The following WWOX variants were observed in gnomAD, a reference collection of about 807,000 sequenced individuals.
WWOX encodes the protein WW domain-containing oxidoreductase.
In WWOX, 69 loss-of-function variants were observed where a neutral mutation model predicts 46.2. The ratio of observed to expected loss-of-function variants is 1.49; its 90% CI spans 1.23 to 1.82. The LOEUF (loss-of-function observed/expected upper bound fraction) is 1.82. Ranked by LOEUF, WWOX falls within the 40% of genes most tolerant of loss-of-function variation. The pLI is 0.00. For synonymous variants in WWOX, 359 were observed against 202.6 expected, an observed-to-expected ratio of 1.77 and a Z score of -6.56; for missense variants, 919 against 542.6, an observed-to-expected ratio of 1.69 and a Z score of -6.89.
intron 8 of WWOX, among the ~76,000 whole-genome samples, chr16:78,606,650 A>G (rs73582813): frequency 0.029 from 4,428 of 151,818 alleles, 199 homozygotes; most frequent in African/African-American, 0.099. Flanking sequence ...TGAATATGTG[A>G]ACACATCCAG....
chr16:78,869,200 C>G (rs573799626), intron 8 of WWOX, among the ~76,000 whole-genome samples: 4 of 152,100 alleles, frequency 2.6e-5, no homozygotes, highest in Non-Finnish European at 4.4e-5. Flanking sequence ...GTTCTGTGGA[C>G]TCTGTGGTGG....
chr16:78,899,400 C>G (rs905137167), intron 8 of WWOX: 2 of 152,144 alleles, frequency 1.3e-5, no homozygotes, highest in African/African-American at 2.4e-5. Flanking sequence ...TCCTAGAAAC[C>G]TGGCCTGTTT....
At chr16:79,049,718 C>G (rs2048130866) in intron 8 of WWOX, among the ~76,000 whole-genome samples, 1 of 151,974 alleles carries the variant, frequency 6.6e-6, no homozygotes, top group African/African-American at 2.4e-5. Flanking sequence ...CGCCTGTAAT[C>G]CCAGCCACTT....
At chr16:78,148,773 C>T (rs944903397) in intron 4 of WWOX, among the ~76,000 whole-genome samples, 2 of 151,770 alleles carry the variant, frequency 1.3e-5, no homozygotes, top group Admixed American at 6.6e-5. Context: ...TGGCGGGCGC[C>T]TGTAGTCCCA....
intron 8 of WWOX, among the ~76,000 whole-genome samples, chr16:78,968,736 A>T (rs1382018740): frequency 1.3e-5 from 2 of 151,980 alleles, no homozygotes; most frequent in African/African-American, 4.8e-5. Context: ...AACCATGCTC[A>T]TTGGTTTTAG....
At chr16:78,242,047 C>T (rs1015568487) in intron 5 of WWOX, among the ~76,000 whole-genome samples, 4 of 152,178 alleles carry the variant, frequency 2.6e-5, no homozygotes, top group African/African-American at 7.2e-5. Flanking sequence ...TACAGCTCTC[C>T]TAATAGAGTC....
At chr16:78,879,275 G>A (rs2044294526) in intron 8 of WWOX, among the ~76,000 whole-genome samples, 1 of 152,194 alleles carries the variant, frequency 6.6e-6, no homozygotes, top group Non-Finnish European at 1.5e-5. Context: ...AGCAAGTGAA[G>A]ATTGCATCTC....
At chr16:78,829,681 T>A (rs1489717563) in intron 8 of WWOX, among the ~76,000 whole-genome samples, 5 of 152,184 alleles carry the variant, frequency 3.3e-5, no homozygotes, top group Non-Finnish European at 7.3e-5. Context: ...AAGTCATGTC[T>A]CATTCAGTTC....
rs761879076 is a variant in WWOX at position 78,164,183 on chromosome 16, G to T, written c.410G>T (p.Gly137Val). The T allele has an allele frequency of 6.2e-7, 1 of 1,613,708 alleles. No individual in the cohort carries two copies. Among genetic ancestry groups the T allele is most frequent in the Non-Finnish European group, 8.5e-7 (1 of 1,179,894 alleles). Residue 137 changes from glycine (G) to valine (V), a missense_variant and splice_region_variant, in exon 5 of 9, where the codon GGG becomes GTG. Gly to Val is a moderately radical substitution (Grantham distance 109). Coordinates refer to ENST00000566780, the MANE Select transcript of WWOX (RefSeq NM_016373.4). ...VVVTGANSGIGFETAKSFALH... is the reference protein window; with the variant it reads ...VVVTGANSGIVFETAKSFALH... ...ACATTGACTTTCCTTTAAACCATAG[G>T]GTTCGAAACCGCCAAGTCTTTTGCC...
rs146478847 is a variant in WWOX at position 78,622,486 on chromosome 16, G to T, written c.1056+189734G>T. Among the ~76,000 whole-genome samples, 602 of 151,914 alleles carry T rather than the reference G, an allele frequency of 4.0e-3. 4 individuals are homozygous for T. The highest frequency in any genetic ancestry group is 0.014 in the African/African-American group (583 of 41,384). On this transcript the variant is annotated intron_variant, in intron 8 of 8. Transcript: ENST00000566780. ...GAACCCAGGAGACGGGGGTTGCAGG[G>T]AGCTGAGATCGTGCCACTGTACTCC...
At chr16:79,162,770 A>G (rs372569170) in intron 8 of WWOX, among the ~76,000 whole-genome samples, 1 of 152,122 alleles carries the variant, frequency 6.6e-6, no homozygotes, top group East Asian at 1.9e-4. Context: ...GCTGCCCTGG[A>G]AGCTGTGCTG....
At chr16:78,671,590 G>A (rs144388253) in intron 8 of WWOX, among the ~76,000 whole-genome samples, 1 of 152,038 alleles carries the variant, frequency 6.6e-6, no homozygotes, top group Non-Finnish European at 1.5e-5. Context: ...GGTACTCTCA[G>A]AGCCCTGATT....
intron 8 of WWOX, among the ~76,000 whole-genome samples, chr16:79,100,947 C>T (rs558590463): frequency 3.3e-4 from 50 of 151,828 alleles, no homozygotes; most frequent in African/African-American, 1.0e-3. Context: ...TTAGGCGTAA[C>T]GTCTTTGGTA....
chr16:79,138,592 G>T (rs951972516), intron 8 of WWOX, among the ~76,000 whole-genome samples: 1 of 152,130 alleles, frequency 6.6e-6, no homozygotes, highest in Non-Finnish European at 1.5e-5. Context: ...AGGGTGCTCT[G>T]GGCAAGTAAG....
At chr16:78,973,825 G>T (rs1315318961) in intron 8 of WWOX, among the ~76,000 whole-genome samples, 1 of 152,218 alleles carries the variant, frequency 6.6e-6, no homozygotes, top group East Asian at 1.9e-4. Flanking sequence ...GGGCACCAGG[G>T]CTCATGAGCC....
chr16:78,638,795 T>G (rs914877150), intron 8 of WWOX, among the ~76,000 whole-genome samples: 2 of 152,152 alleles, frequency 1.3e-5, no homozygotes, highest in East Asian at 3.9e-4. Flanking sequence ...GAATTCACAG[T>G]AAAATCAGAA....
chr16:78,802,568 T>G (rs1474092263), intron 8 of WWOX, among the ~76,000 whole-genome samples: 2 of 152,088 alleles, frequency 1.3e-5, no homozygotes, highest in African/African-American at 2.4e-5. Flanking sequence ...GTTTTGTCCT[T>G]AACAACTAAT....
intron 8 of WWOX, among the ~76,000 whole-genome samples, chr16:78,719,969 T>G (rs1198562103): frequency 6.6e-6 from 1 of 152,178 alleles, no homozygotes; most frequent in Non-Finnish European, 1.5e-5. Context: ...TAGTCTCAAT[T>G]CAATTTAAAG....
chr16:78,582,984 T>C (rs2045100330), intron 8 of WWOX, among the ~76,000 whole-genome samples: 1 of 152,224 alleles, frequency 6.6e-6, no homozygotes, highest in South Asian at 2.1e-4. Context: ...TGTTGTCAAA[T>C]GCGCGTTTAA....
Sources: gnomAD v4.1 joint callset for allele counts (sites outside exome capture counted in the v4.1 genomes callset) on GRCh38, gnomAD v4.1.1 for gene constraint, MANE v1.5 for transcripts, NCBI Gene and HGNC (gene_info 2026-07-23, HGNC 2026-07-21) for gene names.